The following CACNA1D variants were observed in gnomAD, a reference collection of about 807,000 sequenced individuals.
CACNA1D encodes voltage-dependent L-type calcium channel subunit alpha-1D.
In CACNA1D, 55 loss-of-function variants were observed where a neutral mutation model predicts 257.1. The ratio of observed to expected loss-of-function variants is 0.21; its 90% CI spans 0.17 to 0.27. The LOEUF (loss-of-function observed/expected upper bound fraction) is 0.27. CACNA1D is among the 10% of genes least tolerant of loss of function. The probability of loss-of-function intolerance (pLI) is 1.00; values close to 1 mark genes in which losing one functional copy is unlikely to be tolerated. For synonymous variants in CACNA1D, 980 were observed against 1,014.9 expected, an observed-to-expected ratio of 0.97 and a Z score of 0.65; for missense variants, 1,876 against 2,784.0, an observed-to-expected ratio of 0.67 and a Z score of 7.34.
rs1249964254 is a variant in CACNA1D at position 53,494,842 on chromosome 3, G to A, written c.-325G>A. ...CGCGGCGTCTCTCCGCTAGAGGAGG[G>A]GACAAGCCAGTTCTCCTTTGCAGCA... On this transcript the variant is annotated 5_prime_UTR_variant, in exon 1 of 48. Transcript: ENST00000350061. The A allele has an allele frequency of 1.5e-5, 3 of 202,172 alleles. No individual in the cohort carries two copies. In the East Asian group the frequency reaches 3.5e-4, roughly 24 times the overall value. The allele number at this position is 202,172 out of a possible 1,614,324, so 12.5% of individuals were successfully genotyped here.
At chr3:53,566,417 G>C (rs767220855) in intron 3 of CACNA1D, among the ~76,000 whole-genome samples, 4 of 152,018 alleles carry the variant, frequency 2.6e-5, no homozygotes, top group African/African-American at 9.7e-5. Flanking sequence ...GTCTCTGCTC[G>C]AATGTCATCT....
At chr3:53,787,498 G>T (rs1434113378) in intron 40 of CACNA1D, among the ~76,000 whole-genome samples, 1 of 150,716 alleles carries the variant, frequency 6.6e-6, no homozygotes, top group Non-Finnish European at 1.5e-5. Context: ...GTTGTCTCCT[G>T]ATGGCCAGGA....
chr3:53,564,806 C>T (rs1351896544), intron 3 of CACNA1D, among the ~76,000 whole-genome samples: 2 of 152,176 alleles, frequency 1.3e-5, no homozygotes, highest in Non-Finnish European at 2.9e-5. Context: ...TTTTCAAGGT[C>T]ACTCAGGTAG....
At chr3:53,518,763 A>T (rs2091442736) in intron 3 of CACNA1D, among the ~76,000 whole-genome samples, 1 of 152,214 alleles carries the variant, frequency 6.6e-6, no homozygotes, top group South Asian at 2.1e-4. Context: ...AAGTTTTCTT[A>T]TCTTTGAGAA....
At chr3:53,731,289 C>T in intron 17 of CACNA1D, 143 bp downstream of exon 17, 2 of 669,470 alleles carry the variant, frequency 3.0e-6, no homozygotes, top group East Asian at 2.7e-5. Context: ...ACCATATAGA[C>T]CCTGGCTTCC....
At chr3:53,785,254 G>C (rs558282019) in intron 39 of CACNA1D, among the ~76,000 whole-genome samples, 1 of 152,214 alleles carries the variant, frequency 6.6e-6, no homozygotes, top group Admixed American at 6.5e-5. Flanking sequence ...AGACAGATTA[G>C]GAACCATGTT....
At chr3:53,732,236 C>A (rs535059329) in intron 18 of CACNA1D, among the ~76,000 whole-genome samples, 154 bp downstream of exon 18, 2 of 152,356 alleles carry the variant, frequency 1.3e-5, no homozygotes, top group East Asian at 3.9e-4. Context: ...CGCCTTTTTC[C>A]CATGGTCACA....
chr3:53,735,326 G>A (rs776072027), intron 19 of CACNA1D, 48 bp from the exon 20 acceptor site: 3 of 1,596,928 alleles, frequency 1.9e-6, no homozygotes, highest in Non-Finnish European at 1.7e-6. Flanking sequence ...GACCCAGTGT[G>A]TTCCACCCTA....
chr3:53,499,386 C>T (rs561285546), intron 2 of CACNA1D, among the ~76,000 whole-genome samples: 5 of 152,168 alleles, frequency 3.3e-5, no homozygotes, highest in Admixed American at 2.6e-4. Flanking sequence ...CTTTCCACCC[C>T]GGGCAGCTCT....
chr3:53,755,983 C>T lies in CACNA1D; in HGVS notation c.3786+2301C>T, dbSNP rs2095262432. 1.3e-5 allele frequency among the ~76,000 whole-genome samples: 2 copies of T among 152,122 alleles called. 1 individual carries two copies. The highest frequency in any genetic ancestry group is 4.2e-4 in the South Asian group (2 of 4,818). ...AGGAGATGGCCACATGGGACCTCAG[C>T]CTCCTCTCAGGAGAGCCTTTGTCTC... is the stretch of plus-strand genomic sequence containing the variant. On this transcript the variant is annotated intron_variant, in intron 29 of 47. Coordinates refer to ENST00000350061, the MANE Select transcript of CACNA1D (RefSeq NM_001128840.3).
intron 23 of CACNA1D, among the ~76,000 whole-genome samples, chr3:53,745,053 G>A (rs2095154273): frequency 1.3e-5 from 2 of 151,972 alleles, no homozygotes; most frequent in South Asian, 4.2e-4. Flanking sequence ...TGTAATTATT[G>A]TTCATTTATT....
At chr3:53,731,277 A>C (rs1296687791) in intron 17 of CACNA1D, 131 bp downstream of exon 17, 11 of 721,474 alleles carry the variant, frequency 1.5e-5, no homozygotes, top group Non-Finnish European at 2.7e-5. Context: ...AGAATATGGC[A>C]CACCATATAG....
At chr3:53,682,410 A>G (rs1345906244) in intron 8 of CACNA1D, among the ~76,000 whole-genome samples, 2 of 134,790 alleles carry the variant, frequency 1.5e-5, no homozygotes, top group African/African-American at 2.9e-5. Flanking sequence ...AAGTCTTTTT[A>G]GCTGGGCAAT....
intron 7 of CACNA1D, among the ~76,000 whole-genome samples, chr3:53,670,024 T>C (rs1314196137): frequency 6.6e-6 from 1 of 152,260 alleles, no homozygotes; most frequent in Non-Finnish European, 1.5e-5. Context: ...AAAGTATTGG[T>C]TTCAGGAGAC....
chr3:53,599,161 T>C (rs548743247), intron 3 of CACNA1D, among the ~76,000 whole-genome samples: 2 of 152,370 alleles, frequency 1.3e-5, no homozygotes, highest in South Asian at 4.1e-4. Context: ...ATTTCATTTT[T>C]CACATTAGCT....
chr3:53,561,366 T>A (rs2092735654), intron 3 of CACNA1D, among the ~76,000 whole-genome samples: 1 of 152,240 alleles, frequency 6.6e-6, no homozygotes, highest in African/African-American at 2.4e-5. Context: ...GCAAACCTCT[T>A]CATTTCTCAA....
Position 53,542,639 on chromosome 3 carries a change from T to C in CACNA1D, c.483+40919T>C, listed in dbSNP as rs186631828. Reference sequence around the variant, plus strand: ...ATTCAAGAATTCTCAGGTCTGGATGTAGGGTTAGATGCAAGTTAGATATAA... The same window carrying C: ...ATTCAAGAATTCTCAGGTCTGGATGCAGGGTTAGATGCAAGTTAGATATAA... On this transcript the variant is annotated intron_variant, in intron 3 of 47. Coordinates refer to ENST00000350061, the MANE Select transcript of CACNA1D (RefSeq NM_001128840.3). Among the ~76,000 whole-genome samples the C allele has an allele frequency of 1.4e-3, 216 of 152,120 alleles. 1 individual carries two copies. Among genetic ancestry groups the C allele is most frequent in the African/African-American group, 4.5e-3 (187 of 41,512 alleles).
At chr3:53,665,592 G>T (rs1445929925) in intron 5 of CACNA1D, 68 bp from the exon 6 acceptor site, 1 of 1,210,006 alleles carries the variant, frequency 8.3e-7, no homozygotes, top group African/African-American at 1.5e-5. Flanking sequence ...GCATGGTTAG[G>T]AATTATATAT....
chr3:53,719,338 G>A (rs974094438), intron 10 of CACNA1D, among the ~76,000 whole-genome samples: 5 of 152,218 alleles, frequency 3.3e-5, no homozygotes, highest in Admixed American at 1.3e-4. Context: ...TGAGAATGCT[G>A]AGGCCCAAGA....
Sources: gnomAD v4.1 joint callset for allele counts (sites outside exome capture counted in the v4.1 genomes callset) on GRCh38, gnomAD v4.1.1 for gene constraint, MANE v1.5 for transcripts, NCBI Gene and HGNC (gene_info 2026-07-23, HGNC 2026-07-21) for gene names.